The following DCDC2C variants were observed in gnomAD, a reference collection of about 807,000 sequenced individuals.
The protein encoded by DCDC2C is doublecortin domain-containing protein 2C.
In DCDC2C, 44 loss-of-function variants were observed where a neutral mutation model predicts 45.0. The observed-to-expected ratio is 0.98, with a 90% CI of 0.77 to 1.26. DCDC2C has a LOEUF of 1.26. DCDC2C is among the 50% of genes most tolerant of loss of function. DCDC2C has a pLI of 0.00. For missense variants in DCDC2C, 447 were observed against 468.9 expected, an observed-to-expected ratio of 0.95 and a Z score of 0.43; for synonymous variants, 187 against 178.8, an observed-to-expected ratio of 1.05 and a Z score of -0.37.
chr2:3,792,189 T>A (rs1172201961), intron 10 of DCDC2C, among the ~76,000 whole-genome samples: 1 of 152,182 alleles, frequency 6.6e-6, no homozygotes, highest in Non-Finnish European at 1.5e-5. Flanking sequence ...ATTAAAGTAG[T>A]TCATAGAACT....
intron 3 of DCDC2C, among the ~76,000 whole-genome samples, chr2:3,739,128 T>A (rs1669119055): frequency 6.6e-6 from 1 of 152,178 alleles, no homozygotes; most frequent in Non-Finnish European, 1.5e-5. Context: ...TTCAAAAAAA[T>A]TTACAGATTT....
intron 10 of DCDC2C, among the ~76,000 whole-genome samples, chr2:3,841,461 C>A (rs147935009): frequency 6.7e-6 from 1 of 148,396 alleles, no homozygotes; most frequent in African/African-American, 2.5e-5. Flanking sequence ...TATCCTAAAT[C>A]TTTTTAATTC....
At chr2:3,764,366 G>C (rs1027735615) in intron 6 of DCDC2C, among the ~76,000 whole-genome samples, 1 of 152,154 alleles carries the variant, frequency 6.6e-6, no homozygotes, top group Non-Finnish European at 1.5e-5. Context: ...AACTCATATT[G>C]TAATTTGCGC....
chr2:3,817,613 A>T (rs1671586367), intron 10 of DCDC2C, among the ~76,000 whole-genome samples: 1 of 152,220 alleles, frequency 6.6e-6, no homozygotes, highest in South Asian at 2.1e-4. Flanking sequence ...ACATGCAGAC[A>T]TGAGGGCTAG....
intron 10 of DCDC2C, among the ~76,000 whole-genome samples, chr2:3,799,405 T>C (rs1290969340): frequency 6.6e-6 from 1 of 152,262 alleles, no homozygotes; most frequent in African/African-American, 2.4e-5. Context: ...GTTCTGTTGC[T>C]GGTGAGGAAC....
At chr2:3,812,082 A>T (rs1022797476) in intron 10 of DCDC2C, among the ~76,000 whole-genome samples, 1 of 152,150 alleles carries the variant, frequency 6.6e-6, no homozygotes, top group Non-Finnish European at 1.5e-5. Context: ...TATCAGAATG[A>T]TGCTGGCTTC....
intron 5 of DCDC2C, among the ~76,000 whole-genome samples, chr2:3,753,259 A>G (rs1001702046): frequency 2.0e-5 from 3 of 152,192 alleles, no homozygotes; most frequent in Non-Finnish European, 4.4e-5. Context: ...TTAATTTGGC[A>G]TGCTTCCCCA....
At chr2:3,755,806 A>C (rs1016578448) in intron 6 of DCDC2C, among the ~76,000 whole-genome samples, 1 of 151,984 alleles carries the variant, frequency 6.6e-6, no homozygotes, top group Non-Finnish European at 1.5e-5. Context: ...ATATGGATAC[A>C]TATGTGTGCA....
intron 10 of DCDC2C, among the ~76,000 whole-genome samples, chr2:3,807,202 T>G (rs1483872010): frequency 6.6e-6 from 1 of 152,178 alleles, no homozygotes; most frequent in Non-Finnish European, 1.5e-5. Flanking sequence ...CCTATCAGAT[T>G]GGGCATCTCA....
At chr2:3,837,054 G>C (rs1051713717) in intron 10 of DCDC2C, among the ~76,000 whole-genome samples, 1 of 152,152 alleles carries the variant, frequency 6.6e-6, no homozygotes, top group African/African-American at 2.4e-5. Context: ...GGAATTGTTT[G>C]GTTGGAATCC....
At chr2:3,795,158 G>A (rs1306051866) in intron 10 of DCDC2C, among the ~76,000 whole-genome samples, 14 of 151,764 alleles carry the variant, frequency 9.2e-5, no homozygotes, top group Admixed American at 5.3e-4. Flanking sequence ...CTGCATAAAT[G>A]TCTTCTTTTG....
At chr2:3,722,011 C>A (rs923638374) in intron 2 of DCDC2C, among the ~76,000 whole-genome samples, 3 of 152,240 alleles carry the variant, frequency 2.0e-5, no homozygotes. Context: ...ACACTGTTAT[C>A]AACTGAATCC....
intron 10 of DCDC2C, among the ~76,000 whole-genome samples, chr2:3,825,719 G>GACATATTTAGACTTATTTAGACATAT (rs1306592479): frequency 1.3e-5 from 2 of 152,130 alleles, no homozygotes; most frequent in African/African-American, 2.4e-5. Context: ...TTAGACAGTG[G>GACATATTTAGACTTATTTAGACATAT]GGATCCTGGG....
chr2:3,823,953 C>T lies in DCDC2C; in HGVS notation c.1066-23201C>T, dbSNP rs115611635. Among the ~76,000 whole-genome samples the T allele has an allele frequency of 9.1e-3, 1,386 of 152,310 alleles. 24 individuals carry two copies. The highest frequency in any genetic ancestry group is 0.031 in the African/African-American group (1,275 of 41,558). ...CCATGTGGTCTTTGTTGCAACTCAT[C>T]AGCTGTGCTGCTGTAGTGAGGAAAC... On this transcript the variant is annotated intron_variant, in intron 10 of 10. Coordinates refer to ENST00000399143, the MANE Select transcript of DCDC2C (RefSeq NM_001287444.2).
intron 10 of DCDC2C, among the ~76,000 whole-genome samples, chr2:3,831,503 G>T (rs998494142): frequency 6.6e-6 from 1 of 152,184 alleles, no homozygotes; most frequent in Admixed American, 6.5e-5. Context: ...TCTAATCATA[G>T]AAAAGATACA....
Position 3,734,995 on chromosome 2 carries a change from C to T in DCDC2C, c.417-6925C>T, listed in dbSNP as rs2148092449. ...TAGGCATCCACATCCTACCGCATCC[C>T]ACAAGACCCCCACTTTCTCGCTCCC... On this transcript the variant is annotated intron_variant, in intron 3 of 10. Transcript: ENST00000399143. This position sits in a 1 kb window ranked among gnomAD's most constrained non-coding sequence, Gnocchi z 4.2. 6.6e-6 allele frequency among the ~76,000 whole-genome samples: 1 copy of T among 152,290 alleles called. No individual in the cohort carries two copies. Among genetic ancestry groups the T allele is most frequent in the Admixed American group, 6.5e-5 (1 of 15,308 alleles).
intron 4 of DCDC2C, 112 bp from the exon 5 acceptor site, chr2:3,752,651 G>A: frequency 2.3e-6 from 3 of 1,304,032 alleles, no homozygotes; most frequent in Non-Finnish European, 3.2e-6. Flanking sequence ...GATGAGCACT[G>A]TTTCTCCAGC....
In DCDC2C at chr2:3,767,754, G is replaced by C. The variant is rs1263690936; in HGVS notation, c.727G>C (p.Val243Leu). The C allele has an allele frequency of 6.4e-7, 1 of 1,550,524 alleles. No homozygotes were observed. The highest frequency in any genetic ancestry group is 8.7e-7 in the Non-Finnish European group (1 of 1,146,876). ...VEKNSQRKKK[V>L]DSKGKEPCKY... ...TTTCTCTTCTTCATTTGTCCTGTAG[G>C]TGGACTCCAAAGGAAAAGAACCTTG... Residue 243 changes from valine to leucine, a missense_variant and splice_region_variant, in exon 7 of 11, where the codon GTG becomes CTG. Physicochemically the swap from Val to Leu is conservative, Grantham distance 32. Coordinates refer to ENST00000399143, the MANE Select transcript of DCDC2C (RefSeq NM_001287444.2).
intron 10 of DCDC2C, among the ~76,000 whole-genome samples, chr2:3,819,922 G>T (rs1671646731): frequency 6.6e-6 from 1 of 152,178 alleles, no homozygotes; most frequent in African/African-American, 2.4e-5. Context: ...GGGGAGCAGA[G>T]GCTGAGGAAG....
Sources: gnomAD v4.1 joint callset for allele counts (sites outside exome capture counted in the v4.1 genomes callset) on GRCh38, gnomAD v4.1.1 for gene constraint, Gnocchi (gnomAD v3.1) non-coding constraint, MANE v1.5 for transcripts, NCBI Gene and HGNC (gene_info 2026-07-23, HGNC 2026-07-21) for gene names.